IMPG2: variants seen among roughly 807,000 people sequenced by gnomAD.
The protein encoded by IMPG2 is IPM 200.
In IMPG2, 91 loss-of-function variants were observed where a neutral mutation model predicts 129.2. The ratio of observed to expected loss-of-function variants is 0.70; its 90% confidence interval spans 0.59 to 0.84. IMPG2 has a LOEUF of 0.84. Ranked by LOEUF, IMPG2 falls within the 40% of genes least tolerant of loss-of-function variation. The probability of loss-of-function intolerance (pLI) is 0.00; values close to 1 mark genes in which losing one functional copy is unlikely to be tolerated. For missense variants in IMPG2, 1,430 were observed against 1,461.7 expected (o/e 0.98, Z 0.35); for synonymous variants, 510 against 517.7 (o/e 0.99, Z 0.20).
chr3:101,298,650 C>T (rs1338280216), intron 3 of IMPG2, among the ~76,000 whole-genome samples: 1 of 152,194 alleles, frequency 6.6e-6, no homozygotes, highest in Non-Finnish European at 1.5e-5. Flanking sequence ...TTCTCCTTCA[C>T]TTATGAAGCT....
chr3:101,304,238 A>G lies in IMPG2; in HGVS notation c.409T>C (p.Trp137Arg). The change falls in exon 3 of 19, where the codon TGG (tryptophan) becomes CGG (arginine). Residue 137 changes from tryptophan (W) to arginine (R), a missense_variant. Trp to Arg is a moderately radical substitution (Grantham distance 101). Transcript: ENST00000193391. ...RLPGREEYHYWMNLCEDGVTS... is the reference protein window; with the variant it reads ...RLPGREEYHYRMNLCEDGVTS... ...ACTCCATCCTCACACAAATTCATCC[A>G]GTAATGATATTCCTCACGCCCAGGA... 1 of 1,613,982 alleles carries G rather than the reference A, an allele frequency of 6.2e-7. No individual in the cohort carries two copies. The highest frequency in any genetic ancestry group is 8.5e-7 in the Non-Finnish European group (1 of 1,179,816).
rs1450882260 is a variant in IMPG2, at chr3:101,229,472, G to A, written c.3541C>T (p.Pro1181Ser). The A allele has an allele frequency of 6.2e-7, 1 of 1,613,348 alleles. No individual in the cohort carries two copies. The highest frequency in any genetic ancestry group is 8.5e-7 in the Non-Finnish European group (1 of 1,180,014). The change falls in exon 17 of 19, where the codon CCC becomes TCC. Residue 1181 changes from proline (P) to serine (S), a missense_variant. Physicochemically the swap from Pro to Ser is moderately conservative, Grantham distance 74. Coordinates refer to ENST00000193391, the MANE Select transcript of IMPG2 (RefSeq NM_016247.4). ...EKYEGPYPQH[P>S]FYSSASGDVI... ...TCTCCGCTAGCAGAGCTGTAGAAGG[G>A]ATGCTGAGGATAGGGTCCCTCATAC...
intron 2 of IMPG2, among the ~76,000 whole-genome samples, chr3:101,307,479 T>C (rs1400864099): frequency 6.6e-6 from 1 of 152,130 alleles, no homozygotes; most frequent in African/African-American, 2.4e-5. Flanking sequence ...ACAATCATGG[T>C]GGAAGGGAAG....
intron 3 of IMPG2, among the ~76,000 whole-genome samples, chr3:101,300,339 C>A (rs1380629504): frequency 6.6e-6 from 1 of 152,350 alleles, no homozygotes; most frequent in East Asian, 1.9e-4. Context: ...AGGCAGCTAT[C>A]AGTCCCAGTG....
In IMPG2 at chr3:101,245,226, T is replaced by C. The variant is rs7627858; in HGVS notation, c.1544-439A>G. On this transcript the variant is annotated intron_variant, in intron 12 of 18. Coordinates refer to ENST00000193391, the MANE Select transcript of IMPG2 (RefSeq NM_016247.4). ...TCACTCGATGTTCACAATCCTGAAC[T>C]CATTATTTATATATTTCTTCATCTT... 8.7e-3 allele frequency among the ~76,000 whole-genome samples: 1,332 copies of C among 152,300 alleles called. 26 individuals are homozygous for C. The highest frequency in any genetic ancestry group is 0.03 in the African/African-American group (1,243 of 41,580).
intron 11 of IMPG2, among the ~76,000 whole-genome samples, chr3:101,248,320 C>T (rs1427202852): frequency 2.0e-5 from 3 of 152,166 alleles, no homozygotes; most frequent in Admixed American, 6.5e-5. Context: ...TCTTGTCTAA[C>T]ACCATGTGAC....
In IMPG2 at chr3:101,307,363, C is replaced by G. The variant is rs552233645; in HGVS notation, c.335-3051G>C. On this transcript the variant is annotated intron_variant, in intron 2 of 18. Transcript: ENST00000193391. ...ATACACCAATCCTATTGTATTAGTC[C>G]ATTCTCATGCTGCTATGAAGAAATG... 2.0e-5 allele frequency among the ~76,000 whole-genome samples: 3 copies of G among 152,230 alleles called. No homozygotes were observed. In the South Asian group the frequency reaches 6.2e-4, roughly 32 times the overall value.
chr3:101,224,503 T>C lies in IMPG2; in HGVS notation c.*2466A>G, dbSNP rs1016925195. 2.0e-5 allele frequency: 3 copies of C among 152,240 alleles called. No individual in the cohort carries two copies. The highest frequency in any genetic ancestry group is 6.5e-5 in the Admixed American group (1 of 15,290). The allele number at this position is 152,240 out of a possible 1,614,324, so 9.4% of individuals were successfully genotyped here. A position where few individuals can be genotyped will look rare whatever the true frequency, so the allele number is the denominator to read the frequency against. ...TCATTCCTCAATTGTGCAGTGTAAA[T>C]GACAGTTCAGCCTAAGACTTTTAAA... On this transcript the variant is annotated 3_prime_UTR_variant, in exon 19 of 19. Transcript: ENST00000193391.
intron 2 of IMPG2, among the ~76,000 whole-genome samples, chr3:101,306,355 A>T (rs1406104914): frequency 1.3e-5 from 2 of 152,222 alleles, no homozygotes; most frequent in Non-Finnish European, 2.9e-5. Flanking sequence ...TTCTCTATCA[A>T]TTGGGTTTTA....
intron 11 of IMPG2, among the ~76,000 whole-genome samples, chr3:101,252,934 T>C (rs1422465124): frequency 6.6e-6 from 1 of 152,100 alleles, no homozygotes; most frequent in Admixed American, 6.6e-5. Context: ...CCCCTACTGT[T>C]TGTATATGAT....
rs202222448 is a variant in IMPG2 at position 101,319,558 on chromosome 3, G to C, written c.334+26C>G. ...AACTATGTTTGAATTTCATTATGGA[G>C]CTGAAGGATTTGGATGTTCGCTTAC... On this transcript the variant is annotated intron_variant, in intron 2 of 18. Coordinates refer to ENST00000193391, the MANE Select transcript of IMPG2 (RefSeq NM_016247.4). 1.9e-6 allele frequency: 3 copies of C among 1,611,944 alleles called. No individual in the cohort carries two copies. In the Admixed American group the frequency reaches 5.0e-5, roughly 27 times the overall value.
chr3:101,275,939 G>A (rs986656805), intron 5 of IMPG2, among the ~76,000 whole-genome samples, 194 bp from the exon 6 acceptor site: 14 of 152,122 alleles, frequency 9.2e-5, no homozygotes, highest in African/African-American at 2.9e-4. Flanking sequence ...ATTGTGGTAC[G>A]TTCAACAAGC....
Position 101,267,514 on chromosome 3 carries a change from T to C in IMPG2, c.905A>G (p.Asp302Gly). The C allele has an allele frequency of 1.9e-6, 3 of 1,611,536 alleles. No homozygotes were observed. Among genetic ancestry groups the C allele is most frequent in the South Asian group, 1.1e-5 (1 of 91,014 alleles). The part of the protein sequence containing the change: ...VLEFRSPKEN[D>G]SGVDVYYAVT... The stretch of plus-strand genomic sequence containing the variant: ...TAGAGAAAGTGCCAAAAAGTACCTG[T>C]CATTTTCCTTGGGGGACCTGAAAAC... Residue 302 changes from aspartate to glycine, a missense_variant, in exon 9 of 19, where the codon GAC (aspartate) becomes GGC (glycine). Transcript: ENST00000193391.
chr3:101,305,006 T>C (rs1480188779), intron 2 of IMPG2, among the ~76,000 whole-genome samples: 1 of 152,124 alleles, frequency 6.6e-6, no homozygotes, highest in Non-Finnish European at 1.5e-5. Context: ...ATAATCTTTT[T>C]TATACATAAA....
At position 101,226,901 on chromosome 3, in the gene IMPG2, A is replaced by T; in HGVS notation, c.*68T>A. On this transcript the variant is annotated 3_prime_UTR_variant, in exon 19 of 19. Transcript: ENST00000193391. ...AGTGTTTAAAATCCAGGTTAATTATATGACATAAGTAACAAGTAATCTCCA... is the reference window on the plus strand; with the variant it reads ...AGTGTTTAAAATCCAGGTTAATTATTTGACATAAGTAACAAGTAATCTCCA... 6.7e-7 allele frequency: 1 copy of T among 1,489,334 alleles called. No homozygotes were observed. The highest frequency in any genetic ancestry group is 9.4e-7 in the Non-Finnish European group (1 of 1,068,388). 92.3% of individuals were successfully genotyped at this position (1,489,334 alleles called of 1,614,324 possible).
chr3:101,271,558 T>C (rs1706783119), intron 7 of IMPG2, among the ~76,000 whole-genome samples: 1 of 152,156 alleles, frequency 6.6e-6, no homozygotes, highest in African/African-American at 2.4e-5. Context: ...AAATGGAGAT[T>C]GTAAGATATT....
intron 16 of IMPG2, 37 bp downstream of exon 16, chr3:101,230,920 C>T (rs113543478): frequency 6.5e-7 from 1 of 1,544,414 alleles, no homozygotes. Flanking sequence ...GTAAATGGAA[C>T]ATTGTATTCC....
chr3:101,263,820 A>G lies in IMPG2; in HGVS notation c.908+3691T>C, dbSNP rs1276447793. On this transcript the variant is annotated intron_variant, in intron 9 of 18. Coordinates refer to ENST00000193391, the MANE Select transcript of IMPG2 (RefSeq NM_016247.4). ...AAACCATTAGTTAGACTTATGGTCT[A>G]TAGCATTCTACCATTACTCAAAGCA... is the stretch of plus-strand genomic sequence containing the variant. Among the ~76,000 whole-genome samples the G allele has an allele frequency of 3.3e-5, 5 of 151,096 alleles. No individual in the cohort carries two copies. The East Asian group carries it at 7.7e-4, about 23-fold the overall frequency.
intron 3 of IMPG2, among the ~76,000 whole-genome samples, chr3:101,300,688 A>C (rs897721569): frequency 1.3e-5 from 2 of 152,198 alleles, no homozygotes; most frequent in Admixed American, 1.3e-4. Flanking sequence ...TTGCCTAGTC[A>C]GTTCTGATGA....
Sources: gnomAD v4.1 joint callset for allele counts (sites outside exome capture counted in the v4.1 genomes callset) on GRCh38, gnomAD v4.1.1 for gene constraint, MANE v1.5 for transcripts, NCBI Gene and HGNC (gene_info 2026-07-23, HGNC 2026-07-21) for gene names.